SGCD: variants seen among roughly 807,000 people sequenced by gnomAD.
The protein encoded by SGCD is sarcoglycan delta.
Under a neutral mutation model 36.6 loss-of-function variants are expected in SGCD, and 18 were observed. The ratio of observed to expected loss-of-function variants is 0.49; its 90% CI spans 0.34 to 0.73. The LOEUF (loss-of-function observed/expected upper bound fraction) is 0.73. Ranked by LOEUF, SGCD falls within the 30% of genes least tolerant of loss-of-function variation. SGCD has a pLI of 0.01. For synonymous variants in SGCD, 133 were observed against 130.6 expected (o/e 1.02, Z -0.12); for missense variants, 387 against 346.7 (o/e 1.12, Z -0.92).
chr5:156,277,293 C>T (rs1014136916), intron 3 of SGCD, among the ~76,000 whole-genome samples: 8 of 152,162 alleles, frequency 5.3e-5, no homozygotes, highest in Non-Finnish European at 1.0e-4. Context: ...CCCTCTCTCC[C>T]TGCTATTATT....
intron 1 of SGCD, among the ~76,000 whole-genome samples, chr5:156,087,053 C>CT (rs1467849729): frequency 6.6e-6 from 1 of 152,180 alleles, no homozygotes; most frequent in Non-Finnish European, 1.5e-5. Context: ...CTGGGAAAGT[C>CT]TATCTTGCAT....
At chr5:156,421,264 A>AT (rs1402866784) in intron 3 of SGCD, among the ~76,000 whole-genome samples, 1 of 152,114 alleles carries the variant, frequency 6.6e-6, no homozygotes, top group African/African-American at 2.4e-5. Flanking sequence ...AGGCCAGATT[A>AT]CACAGTGCAT....
chr5:156,597,040 T>C (rs1322912270), intron 6 of SGCD, among the ~76,000 whole-genome samples: 1 of 152,156 alleles, frequency 6.6e-6, no homozygotes, highest in East Asian at 1.9e-4. Context: ...GGTGCAGAGA[T>C]GATAAAGCCA....
the SGCD span, among the ~76,000 whole-genome samples, chr5:155,735,076 G>A: frequency 6.6e-6 from 1 of 152,164 alleles, no homozygotes; most frequent in Admixed American, 6.5e-5. Context: ...AACATTTTTG[G>A]ATGACTAATT....
At chr5:156,016,056 T>G (rs938390433) in intron 1 of SGCD, among the ~76,000 whole-genome samples, 4 of 152,066 alleles carry the variant, frequency 2.6e-5, no homozygotes, top group Non-Finnish European at 5.9e-5. Flanking sequence ...CTTTCAAATT[T>G]CACAATTTCA....
At chr5:156,512,249 C>T (rs537008021) in intron 4 of SGCD, among the ~76,000 whole-genome samples, 3 of 149,352 alleles carry the variant, frequency 2.0e-5, no homozygotes, top group Admixed American at 1.3e-4. Context: ...ATTTTCCATG[C>T]ATATGTATTT....
chr5:155,763,467 T>C, the SGCD span, among the ~76,000 whole-genome samples: 1 of 152,178 alleles, frequency 6.6e-6, no homozygotes, highest in Non-Finnish European at 1.5e-5. Flanking sequence ...TAGTAGGGCA[T>C]AAGAGTTAAA....
chr5:156,435,142 T>C (rs1367631033), intron 3 of SGCD, among the ~76,000 whole-genome samples: 1 of 152,230 alleles, frequency 6.6e-6, no homozygotes, highest in East Asian at 1.9e-4. Flanking sequence ...TTTTGATTCA[T>C]AGACTGTAGG....
intron 3 of SGCD, among the ~76,000 whole-genome samples, chr5:156,475,296 C>G (rs1008653287): frequency 9.2e-5 from 14 of 152,170 alleles, no homozygotes; most frequent in African/African-American, 2.7e-4. Flanking sequence ...ACTAATCTTT[C>G]TTACCTGAGC....
chr5:156,135,503 C>T (rs73811409), intron 3 of SGCD, among the ~76,000 whole-genome samples: 1,962 of 152,286 alleles, frequency 0.013, 40 homozygotes, highest in African/African-American at 0.045. Flanking sequence ...CAACACATCA[C>T]TCCAGACAGT....
At chr5:156,077,076 C>T (rs976142947) in intron 1 of SGCD, among the ~76,000 whole-genome samples, 2 of 152,074 alleles carry the variant, frequency 1.3e-5, no homozygotes, top group Non-Finnish European at 2.9e-5. Context: ...CATCTCCTCC[C>T]TCATTTCTTT....
chr5:156,759,543 T>G lies in SGCD; in HGVS notation c.*153T>G. 3.0e-6 allele frequency: 1 copy of G among 333,438 alleles called. No homozygotes were observed. Among genetic ancestry groups the G allele is most frequent in the Non-Finnish European group, 5.4e-6 (1 of 185,428 alleles). 20.7% of individuals were successfully genotyped at this position (333,438 alleles called of 1,614,324 possible). ...GTGCGTGCTTGAGTGTGTTCGCGTG[T>G]GTGGGTGGATATAAATATATATAAA... On this transcript the variant is annotated 3_prime_UTR_variant, in exon 9 of 9. Coordinates refer to ENST00000337851, the MANE Select transcript of SGCD (RefSeq NM_000337.6).
intron 1 of SGCD, among the ~76,000 whole-genome samples, chr5:155,891,862 G>A (rs1160568103): frequency 6.6e-6 from 1 of 152,102 alleles, no homozygotes; most frequent in Non-Finnish European, 1.5e-5. Context: ...TCTACTGGCT[G>A]TGAAAATGTG....
chr5:155,825,216 G>A, the SGCD span, among the ~76,000 whole-genome samples: 1 of 152,092 alleles, frequency 6.6e-6, no homozygotes, highest in Non-Finnish European at 1.5e-5. Flanking sequence ...GAGAATGAAG[G>A]TAATAAGGAG....
intron 1 of SGCD, among the ~76,000 whole-genome samples, chr5:155,919,307 T>C (rs1756821831): frequency 6.6e-6 from 1 of 152,204 alleles, no homozygotes; most frequent in African/African-American, 2.4e-5. Flanking sequence ...CACATCTGTT[T>C]TTCCACTTAT....
chr5:156,551,934 C>T (rs867584085), intron 4 of SGCD, among the ~76,000 whole-genome samples: 4 of 152,084 alleles, frequency 2.6e-5, no homozygotes, highest in Admixed American at 6.5e-5. Context: ...CTTTTCTAAC[C>T]GACCTGAAAA....
chr5:155,982,701 G>A (rs528212880), intron 1 of SGCD, among the ~76,000 whole-genome samples: 92 of 152,264 alleles, frequency 6.0e-4, no homozygotes, highest in African/African-American at 1.9e-3. Context: ...CCTAATTACC[G>A]CATGCCTGAA....
chr5:156,174,342 T>C (rs1366138915), intron 3 of SGCD, among the ~76,000 whole-genome samples: 2 of 152,126 alleles, frequency 1.3e-5, no homozygotes, highest in Non-Finnish European at 2.9e-5. Flanking sequence ...TCTAAGGAAA[T>C]GGCTTTCCAG....
At chr5:155,792,433 C>CAAAAA in the SGCD span, among the ~76,000 whole-genome samples, 7 of 92,318 alleles carry the variant, frequency 7.6e-5, no homozygotes, top group Admixed American at 2.6e-4. Context: ...TTCTACATAG[C>CAAAAA]AAAAAAAAAA....
Sources: allele counts gnomAD v4.1 joint callset (sites outside exome capture counted in the v4.1 genomes callset), GRCh38; gene constraint gnomAD v4.1.1; transcripts MANE v1.5; gene names NCBI Gene and HGNC (gene_info 2026-07-23, HGNC 2026-07-21).